The following ACACA variants were observed in gnomAD, a reference collection of about 807,000 sequenced individuals.
ACACA encodes acetyl-CoA carboxylase alpha.
ACACA carries 103 observed loss-of-function variants against 296.1 expected under a neutral mutation model. That is an observed-to-expected ratio of 0.35 (90% CI 0.30 to 0.41). The LOEUF is 0.41. Among genes scored for constraint, ACACA ranks in the 10% least tolerant of loss-of-function variants. The probability of loss-of-function intolerance (pLI) is 1.00; values close to 1 mark genes in which losing one functional copy is unlikely to be tolerated. For synonymous variants in ACACA, 953 were observed against 1,038.6 expected, an observed-to-expected ratio of 0.92 and a Z score of 1.58; for missense variants, 1,554 against 2,989.7, an observed-to-expected ratio of 0.52 and a Z score of 11.20.
intron 12 of ACACA, 137 bp from the exon 13 acceptor site, chr17:37,258,510 AATC>A (rs2081314307): frequency 2.5e-6 from 2 of 788,216 alleles, no homozygotes; most frequent in Non-Finnish European, 4.2e-6. Flanking sequence ...TGTATTCTAC[AATC>A]ATCAACTCTA....
intron 41 of ACACA, among the ~76,000 whole-genome samples, chr17:37,167,143 G>A (rs937563619): frequency 8.6e-6 from 1 of 116,892 alleles, no homozygotes; most frequent in Non-Finnish European, 1.7e-5. Flanking sequence ...TTTTTTTTTG[G>A]TACAGATGGG....
At chr17:37,209,957 AACTG>A (rs946515544) in intron 30 of ACACA, among the ~76,000 whole-genome samples, 13 of 152,254 alleles carry the variant, frequency 8.5e-5, no homozygotes, top group African/African-American at 1.7e-4. Context: ...CTGAAATAAA[AACTG>A]ACTATCATAA....
chr17:37,365,747 G>A, intron 1 of ACACA: 1 of 985,290 alleles, frequency 1.0e-6, no homozygotes, highest in Non-Finnish European at 1.2e-6. Flanking sequence ...TCATAAGTCT[G>A]GTCCTAATGA....
Position 37,381,753 on chromosome 17 carries a change from G to A in ACACA, c.38+24509C>T, listed in dbSNP as rs547010720. On this transcript the variant is annotated intron_variant, in intron 1 of 55. Coordinates refer to ENST00000616317, the MANE Select transcript of ACACA (RefSeq NM_198834.3). ...CGCCATTCTCCTGCCTCAGCCTCCC[G>A]AGTAGCTGGGACTACAGGCACTCGC... 1.7e-4 allele frequency among the ~76,000 whole-genome samples: 25 copies of A among 148,722 alleles called. No homozygotes were observed. The South Asian group carries it at 4.8e-3, about 29-fold the overall frequency.
chr17:37,351,832 T>C (rs1236223689), intron 1 of ACACA, among the ~76,000 whole-genome samples: 1 of 151,912 alleles, frequency 6.6e-6, no homozygotes, highest in Admixed American at 6.6e-5. Context: ...GGATTACAGA[T>C]GTGAGCCACC....
intron 11 of ACACA, 134 bp downstream of exon 11, chr17:37,263,551 C>T: frequency 1.2e-6 from 1 of 809,732 alleles, no homozygotes; most frequent in Non-Finnish European, 2.0e-6. Context: ...TTTTTTTTCT[C>T]TAAGAAAAGG....
chr17:37,306,712 T>G (rs2083902694), intron 3 of ACACA, among the ~76,000 whole-genome samples: 2 of 152,052 alleles, frequency 1.3e-5, no homozygotes, highest in South Asian at 4.1e-4. Context: ...TTTTTTTTTT[T>G]GCAATGGAGT....
intron 3 of ACACA, among the ~76,000 whole-genome samples, chr17:37,286,802 T>C (rs1020285044): frequency 1.3e-5 from 2 of 152,166 alleles, no homozygotes; most frequent in Non-Finnish European, 2.9e-5. Context: ...CCAAAGCTTA[T>C]GCCCAGAGGT....
At chr17:37,302,237 T>G (rs1031934199) in intron 3 of ACACA, among the ~76,000 whole-genome samples, 24 of 148,462 alleles carry the variant, frequency 1.6e-4, no homozygotes, top group African/African-American at 6.0e-4. Context: ...GGTTTCGCTC[T>G]TGTGACCCAG....
intron 1 of ACACA, among the ~76,000 whole-genome samples, chr17:37,371,906 A>G (rs929474090): frequency 4.6e-5 from 7 of 151,824 alleles, no homozygotes; most frequent in African/African-American, 1.5e-4. Context: ...TCTCAAAAAA[A>G]AATAAAGGAA....
Position 37,259,290 on chromosome 17 carries a change from A to G in ACACA, c.1500+70T>C, listed in dbSNP as rs144595521. ...AGGAGGTGCTTTTCTCTTATCACAC[A>G]CTGGTTAAACCCATTTTTCAGGCCT... On this transcript the variant is annotated intron_variant, in intron 12 of 55. Coordinates refer to ENST00000616317, the MANE Select transcript of ACACA (RefSeq NM_198834.3). 35 of 1,566,172 alleles carry G rather than the reference A, an allele frequency of 2.2e-5. No individual in the cohort carries two copies. The African/African-American group carries it at 3.5e-4, about 16-fold the overall frequency.
In ACACA at chr17:37,205,996, C is replaced by T; in HGVS notation, c.3949-124G>A. ...CACCCCACAGGATATTTTGGTTTGC[C>T]CAGCAGTAGGAATGAGCAAATTGAA... is the stretch of plus-strand genomic sequence containing the variant. On this transcript the variant is annotated intron_variant, in intron 32 of 55. Coordinates refer to ENST00000616317, the MANE Select transcript of ACACA (RefSeq NM_198834.3). The T allele has an allele frequency of 3.6e-6, 3 of 822,988 alleles. No homozygotes were observed. The South Asian group carries it at 4.2e-5, about 12-fold the overall frequency. The allele number at this position is 822,988 out of a possible 1,614,324, so 51.0% of individuals were successfully genotyped here.
intron 45 of ACACA, among the ~76,000 whole-genome samples, chr17:37,131,957 G>A (rs1025120210): frequency 6.6e-6 from 1 of 152,140 alleles, no homozygotes; most frequent in African/African-American, 2.4e-5. Flanking sequence ...GCTCCCATCC[G>A]CCTCTCAGTC....
intron 29 of ACACA, among the ~76,000 whole-genome samples, chr17:37,213,166 C>G (rs181886288): frequency 6.6e-6 from 1 of 151,558 alleles, no homozygotes; most frequent in East Asian, 1.9e-4. Flanking sequence ...CACACACACA[C>G]ACACATACAC....
intron 38 of ACACA, 31 bp from the exon 39 acceptor site, chr17:37,188,511 T>C: frequency 6.2e-7 from 1 of 1,608,342 alleles, no homozygotes; most frequent in Non-Finnish European, 8.5e-7. Flanking sequence ...AGCACAAAAC[T>C]TAAATATCTT....
At chr17:37,129,922 T>C (rs1043346906) in intron 46 of ACACA, among the ~76,000 whole-genome samples, 153 bp downstream of exon 46, 5 of 152,118 alleles carry the variant, frequency 3.3e-5, no homozygotes, top group African/African-American at 1.2e-4. Context: ...AAAATATGGC[T>C]GTAAGGAAAA....
chr17:37,127,516 A>G (rs1446913066), intron 47 of ACACA, among the ~76,000 whole-genome samples: 2 of 152,142 alleles, frequency 1.3e-5, no homozygotes, highest in Non-Finnish European at 2.9e-5. Flanking sequence ...TCTTGTTCCA[A>G]ATTCTAGAAG....
intron 5 of ACACA, among the ~76,000 whole-genome samples, chr17:37,282,070 T>C (rs951070080): frequency 1.3e-5 from 2 of 152,194 alleles, no homozygotes; most frequent in Non-Finnish European, 2.9e-5. Context: ...AAATATCATA[T>C]TGAATTGTAA....
In ACACA at chr17:37,130,299, G is replaced by A. The variant is rs548072860; in HGVS notation, c.5680-81C>T. ...CGATTTCACAAGTCGCACTAAAATG[G>A]GTTCTTTTCTCCACAAAACAGAGAT... On this transcript the variant is annotated intron_variant, in intron 45 of 55. Transcript: ENST00000616317. 7.1e-5 allele frequency: 109 copies of A among 1,545,976 alleles called. No homozygotes were observed. The African/African-American group carries it at 1.3e-3, about 19-fold the overall frequency.
Sources: gnomAD v4.1 joint callset for allele counts (sites outside exome capture counted in the v4.1 genomes callset) on GRCh38, gnomAD v4.1.1 for gene constraint, MANE v1.5 for transcripts, NCBI Gene and HGNC (gene_info 2026-07-23, HGNC 2026-07-21) for gene names.